The following GIMAP2 variants were observed in gnomAD, a reference collection of about 807,000 sequenced individuals.
GIMAP2 encodes the protein GTPase, IMAP family member 2.
A neutral mutation model predicts 25.5 loss-of-function variants in GIMAP2; 22 were observed. The ratio of observed to expected loss-of-function variants is 0.86; its 90% CI spans 0.62 to 1.23. The LOEUF is 1.23. Ranked by LOEUF, GIMAP2 falls within the 50% of genes most tolerant of loss-of-function variation. The pLI is 0.00. For missense variants in GIMAP2, 422 were observed against 395.7 expected (o/e 1.07, Z -0.56); for synonymous variants, 167 against 143.0 (o/e 1.17, Z -1.20).
At position 150,692,608 on chromosome 7, in the gene GIMAP2, G is replaced by A. The variant is rs1213967559; in HGVS notation, c.322G>A (p.Val108Met). 1.2e-6 allele frequency: 2 copies of A among 1,614,078 alleles called. No individual in the cohort carries two copies. Among genetic ancestry groups the A allele is most frequent in the South Asian group, 2.2e-5 (2 of 91,084 alleles). ...CTTGCTGTCTGCACCAGGACCCCAT[G>A]TGCTGCTCCTGGTGACTCAGCTGGG... ...CYLLSAPGPH[V>M]LLLVTQLGRY... Residue 108 changes from valine to methionine, a missense_variant, in exon 3 of 3, where the codon GTG (valine) becomes ATG (methionine). Coordinates refer to ENST00000223293, the MANE Select transcript of GIMAP2 (RefSeq NM_015660.3).
chr7:150,687,119 T>A, intron 2 of GIMAP2, 32 bp downstream of exon 2: 1 of 831,174 alleles, frequency 1.2e-6, no homozygotes, highest in Non-Finnish European at 1.8e-6. Context: ...TGTGTGTGTG[T>A]GTGTGTGTGT....
Position 150,692,458 on chromosome 7 carries a change from A to T in GIMAP2, c.172A>T (p.Thr58Ser). The change falls in exon 3 of 3, where the codon ACT (threonine) becomes TCT (serine). Residue 58 changes from threonine to serine, a missense_variant. Thr to Ser is a moderately conservative substitution (Grantham distance 58, BLOSUM62 1). Coordinates refer to ENST00000223293, the MANE Select transcript of GIMAP2 (RefSeq NM_015660.3). Reference sequence around the variant, plus strand: ...ATCGAAGCTGGGTTCCCAGACCTTGACTAAGACTTGCAGCAAAAGTCAGGG... The same window carrying T: ...ATCGAAGCTGGGTTCCCAGACCTTGTCTAAGACTTGCAGCAAAAGTCAGGG... ...FESKLGSQTL[T>S]KTCSKSQGSW... 2 of 1,614,210 alleles carry T rather than the reference A, an allele frequency of 1.2e-6. No homozygotes were observed. Among genetic ancestry groups the T allele is most frequent in the South Asian group, 1.1e-5 (1 of 91,082 alleles).
chr7:150,692,250 G>A lies in GIMAP2; in HGVS notation c.29-65G>A, dbSNP rs56777944. The A allele has an allele frequency of 5.8e-3, 8,482 of 1,457,896 alleles. 407 individuals carry two copies. In the African/African-American group the frequency reaches 0.11, roughly 18 times the overall value. 90.3% of individuals were successfully genotyped at this position (1,457,896 alleles called of 1,614,324 possible). ...AAAAAAAAAAGAAAAAGAAATGAAA[G>A]GAAAAAAAAATATTCCACTGCCGTG... is the stretch of plus-strand genomic sequence containing the variant. On this transcript the variant is annotated intron_variant, in intron 2 of 2. Transcript: ENST00000223293.
At chr7:150,688,897 C>G (rs950843539) in intron 2 of GIMAP2, among the ~76,000 whole-genome samples, 2 of 152,248 alleles carry the variant, frequency 1.3e-5, no homozygotes, top group African/African-American at 4.8e-5. Flanking sequence ...AATTCTCCAA[C>G]TAGACCTCTG....
intron 2 of GIMAP2, chr7:150,689,782 A>G (rs192456691): frequency 2.3e-6 from 1 of 438,906 alleles, no homozygotes; most frequent in East Asian, 3.4e-5. Context: ...TACTTCAGGC[A>G]TAGAAAACGG....
chr7:150,692,829 C>T lies in GIMAP2; in HGVS notation c.543C>T (p.Ala181=), dbSNP rs1250301122. ...CAGCATGTGGTGGGCGAATCTGTGC[C>T]TTTAATAACCGTGCTGAAGGGAGCA... ...LVAACGGRIC[A]FNNRAEGSNQ... is the part of the protein sequence containing the mutation. The change falls in exon 3 of 3, where the codon GCC becomes GCT. Residue 181 remains alanine, a synonymous_variant. Transcript: ENST00000223293. 1 of 1,614,200 alleles carries T rather than the reference C, an allele frequency of 6.2e-7. No individual in the cohort carries two copies. The highest frequency in any genetic ancestry group is 1.3e-5 in the African/African-American group (1 of 75,048).
At chr7:150,691,577 C>T (rs1161948330) in intron 2 of GIMAP2, among the ~76,000 whole-genome samples, 1 of 152,112 alleles carries the variant, frequency 6.6e-6, no homozygotes, top group African/African-American at 2.4e-5. Context: ...TTTGCTGGTC[C>T]AGCCACTTCC....
rs752987868 is a variant in GIMAP2 at position 150,687,058 on chromosome 7, C to T, written c.-2C>T. 7.5e-6 allele frequency: 12 copies of T among 1,607,654 alleles called. No individual in the cohort carries two copies. The highest frequency in any genetic ancestry group is 8.5e-6 in the Non-Finnish European group (10 of 1,176,424). ...TTGTCTCTCTGTTTCTCAGGAACAC[C>T]AATGGACCAAAATGAACACAGTCAC... On this transcript the variant is annotated 5_prime_UTR_variant, in exon 2 of 3. Transcript: ENST00000223293.
chr7:150,692,053 T>C (rs1478548874), intron 2 of GIMAP2, among the ~76,000 whole-genome samples: 1 of 123,370 alleles, frequency 8.1e-6, no homozygotes, highest in Non-Finnish European at 1.8e-5. Context: ...CTGTCTCTAC[T>C]AAAACTACCA....
Position 150,693,382 on chromosome 7 carries a change from G to A in GIMAP2, c.*82G>A, listed in dbSNP as rs1399164532. The A allele has an allele frequency of 2.3e-6, 2 of 875,012 alleles. No homozygotes were observed. Among genetic ancestry groups the A allele is most frequent in the East Asian group, 5.1e-5 (2 of 39,232 alleles). 54.2% of individuals were successfully genotyped at this position (875,012 alleles called of 1,614,324 possible). On this transcript the variant is annotated 3_prime_UTR_variant, in exon 3 of 3. Coordinates refer to ENST00000223293, the MANE Select transcript of GIMAP2 (RefSeq NM_015660.3). ...TTCCCTGTAAAATGTGGTACCTGAAGTCATATTTGAGATTCTATGAAATGT... is the reference window on the plus strand; with the variant it reads ...TTCCCTGTAAAATGTGGTACCTGAAATCATATTTGAGATTCTATGAAATGT...
intron 2 of GIMAP2, chr7:150,689,375 C>A: frequency 3.6e-6 from 2 of 554,248 alleles, no homozygotes; most frequent in Non-Finnish European, 3.3e-6. Flanking sequence ...GCAGAGAATT[C>A]TCTTCCCTAT....
In GIMAP2 at chr7:150,692,576, G is replaced by A. The variant is rs763264836; in HGVS notation, c.290G>A (p.Arg97Lys). 31 of 1,613,992 alleles carry A rather than the reference G, an allele frequency of 1.9e-5. No individual in the cohort carries two copies. The Admixed American group carries it at 4.8e-4, about 25-fold the overall frequency. ...GAAGCTCTGTACAAAGAGGTGCAGA[G>A]GTGCTACTTGCTGTCTGCACCAGGA... ...HCEALYKEVQRCYLLSAPGPH... is the reference protein window; with the variant it reads ...HCEALYKEVQKCYLLSAPGPH... The change falls in exon 3 of 3, where the codon AGG becomes AAG. Residue 97 changes from arginine to lysine, a missense_variant. By Grantham distance (26) the Arg-to-Lys change is conservative. Coordinates refer to ENST00000223293, the MANE Select transcript of GIMAP2 (RefSeq NM_015660.3).
chr7:150,692,062 C>CAA (rs36051941), intron 2 of GIMAP2, among the ~76,000 whole-genome samples: 38,955 of 144,336 alleles, frequency 0.27, 5,694 homozygotes, highest in Middle Eastern at 0.36. Context: ...CTAAAACTAC[C>CAA]AAAAAAAAAA....
Position 150,692,945 on chromosome 7 carries a change from G to A in GIMAP2, c.659G>A (p.Ser220Asn), listed in dbSNP as rs1796986353. The change falls in exon 3 of 3, where the codon AGC (serine) becomes AAC (asparagine). Residue 220 changes from serine to asparagine, a missense_variant. Coordinates refer to ENST00000223293, the MANE Select transcript of GIMAP2 (RefSeq NM_015660.3). ...NGDHYTNGLY[S>N]LIQRSKCGPV... ...GATCACTATACCAATGGGTTGTACAGCCTAATACAGAGGTCTAAATGTGGA... is the reference window on the plus strand; with the variant it reads ...GATCACTATACCAATGGGTTGTACAACCTAATACAGAGGTCTAAATGTGGA... The A allele has an allele frequency of 2.5e-6, 4 of 1,614,172 alleles. No homozygotes were observed. Among genetic ancestry groups the A allele is most frequent in the Non-Finnish European group, 3.4e-6 (4 of 1,179,978 alleles).
intron 1 of GIMAP2, among the ~76,000 whole-genome samples, chr7:150,686,407 C>G (rs531702753): frequency 6.6e-6 from 1 of 151,976 alleles, no homozygotes; most frequent in East Asian, 1.9e-4. Context: ...GAAGGCACAC[C>G]TACAGAGAAA....
intron 1 of GIMAP2, among the ~76,000 whole-genome samples, chr7:150,686,051 T>C (rs1796896753): frequency 6.6e-6 from 1 of 152,162 alleles, no homozygotes; most frequent in African/African-American, 2.4e-5. Context: ...TGGCTTTCAG[T>C]TTTCTGTGCT....
In GIMAP2 at chr7:150,692,699, TG is replaced by T; in HGVS notation, c.416del (p.Gly139AspfsTer18). ...AAGGAGATCTTTGGAGAGGATGCCA[TG>T]GGACACACAATTGTCCTCTTTACCC... ...RVKEIFGEDA[M>X]GHTIVLFTHK... On this transcript the variant is annotated frameshift_variant, in exon 3 of 3. Transcript: ENST00000223293. LOFTEE classifies it high-confidence loss of function. The T allele has an allele frequency of 2.5e-6, 4 of 1,614,198 alleles. No individual in the cohort carries two copies. Among genetic ancestry groups the T allele is most frequent in the Non-Finnish European group, 3.4e-6 (4 of 1,180,042 alleles).
At chr7:150,690,637 A>G (rs1796956672) in intron 2 of GIMAP2, among the ~76,000 whole-genome samples, 1 of 152,186 alleles carries the variant, frequency 6.6e-6, no homozygotes, top group Non-Finnish European at 1.5e-5. Context: ...CTTCATCTAT[A>G]AGGAGGTTGC....
chr7:150,692,530 T>A lies in GIMAP2; in HGVS notation c.244T>A (p.Phe82Ile), dbSNP rs938916927. The change falls in exon 3 of 3, where the codon TTT becomes ATT. Residue 82 changes from phenylalanine to isoleucine, a missense_variant. Physicochemically the swap from Phe to Ile is conservative, Grantham distance 21 (BLOSUM62 0). Coordinates refer to ENST00000223293, the MANE Select transcript of GIMAP2 (RefSeq NM_015660.3). ...EIVIIDTPDM[F>I]SWKDHCEALY... is the part of the protein sequence containing the mutation. The stretch of plus-strand genomic sequence containing the variant: ...TGTCATTATTGACACACCAGATATG[T>A]TTTCTTGGAAGGACCACTGTGAAGC... The A allele has an allele frequency of 3.1e-6, 5 of 1,613,984 alleles. No individual in the cohort carries two copies. The highest frequency in any genetic ancestry group is 1.3e-5 in the African/African-American group (1 of 74,884).
Sources: gnomAD v4.1 joint callset for allele counts (sites outside exome capture counted in the v4.1 genomes callset) on GRCh38, gnomAD v4.1.1 for gene constraint, MANE v1.5 for transcripts, NCBI Gene and HGNC (gene_info 2026-07-23, HGNC 2026-07-21) for gene names.